The following PDE6G variants were observed in gnomAD, a reference collection of about 807,000 sequenced individuals.
PDE6G encodes rod cGMP 3',5'-cyclic phosphodiesterase subunit gamma.
In PDE6G, 10 loss-of-function variants were observed where a neutral mutation model predicts 10.9. That is an observed-to-expected ratio of 0.91 (90% CI 0.56 to 1.55). The LOEUF is 1.55. PDE6G is among the 40% of genes most tolerant of loss of function. The pLI is 0.00. For missense variants in PDE6G, 102 were observed against 110.1 expected (o/e 0.93, Z 0.33); for synonymous variants, 41 against 42.8 (o/e 0.96, Z 0.16).
upstream of PDE6G, among the ~76,000 whole-genome samples, chr17:81,657,258 A>G (rs1289707246): frequency 1.3e-5 from 2 of 152,206 alleles, no homozygotes; most frequent in Non-Finnish European, 2.9e-5. Context: ...GCTGGCACAC[A>G]GACCTCACAT....
At chr17:81,657,224 C>G (rs1192963936), upstream of PDE6G, among the ~76,000 whole-genome samples, 2 of 152,200 alleles carry the variant, frequency 1.3e-5, no homozygotes, top group Non-Finnish European at 2.9e-5. Context: ...TTTCCAGAAA[C>G]AGGGACTCCC....
Position 81,653,022 on chromosome 17 carries a change from G to A in PDE6G, c.146+138C>T, listed in dbSNP as rs1225320715. 1.3e-5 allele frequency: 13 copies of A among 1,030,608 alleles called. No individual in the cohort carries two copies. The highest frequency in any genetic ancestry group is 3.5e-5 in the Admixed American group (2 of 57,710). 63.8% of individuals were successfully genotyped at this position (1,030,608 alleles called of 1,614,324 possible). On this transcript the variant is annotated intron_variant, in intron 2 of 3. Coordinates refer to ENST00000331056, the MANE Select transcript of PDE6G (RefSeq NM_002602.4). The surrounding 1 kb of genome is among the most constrained non-coding windows in gnomAD (Gnocchi z 5.2). ...ATCCCTGCTCAGGCCCTCAGGCACC[G>A]CCCTACCTTCCCCAGCTGTGAGGCT...
Position 81,650,728 on chromosome 17 carries a change from G to C in PDE6G, c.*346C>G. 2.2e-6 allele frequency: 1 copy of C among 464,218 alleles called. No homozygotes were observed. The highest frequency in any genetic ancestry group is 4.3e-6 in the Non-Finnish European group (1 of 232,778). 28.8% of individuals were successfully genotyped at this position (464,218 alleles called of 1,614,324 possible). A position where few individuals can be genotyped will look rare whatever the true frequency, so the allele number is the denominator to read the frequency against. On this transcript the variant is annotated 3_prime_UTR_variant, in exon 4 of 4. Transcript: ENST00000331056. ...CCTGCCCTAGCTTTCCAGCTGGGAGGAGGGGACGATCTGGGGTCCAGCAGG... is the reference window on the plus strand; with the variant it reads ...CCTGCCCTAGCTTTCCAGCTGGGAGCAGGGGACGATCTGGGGTCCAGCAGG...
At chr17:81,656,989 G>A (rs955003236), upstream of PDE6G, 4 of 248,068 alleles carry the variant, frequency 1.6e-5, no homozygotes, top group Admixed American at 4.8e-5. Flanking sequence ...ACCCCCCCCC[G>A]CCCTTAGGGG....
chr17:81,659,504 C>T (rs921204639), upstream of PDE6G, among the ~76,000 whole-genome samples: 1 of 151,822 alleles, frequency 6.6e-6, no homozygotes, highest in African/African-American at 2.4e-5. Context: ...GAGGCTGCGG[C>T]AGGAGAATCA....
intron 1 of PDE6G, among the ~76,000 whole-genome samples, chr17:81,662,720 C>T (rs761351747): frequency 9.9e-5 from 15 of 152,166 alleles, no homozygotes; most frequent in Non-Finnish European, 1.9e-4. Context: ...AGCAGTTGGC[C>T]GGGCACAGTG....
Position 81,650,873 on chromosome 17 carries a change from C to T in PDE6G, c.*201G>A, listed in dbSNP as rs2036340059. The T allele has an allele frequency of 1.5e-6, 1 of 656,152 alleles. No homozygotes were observed. Among genetic ancestry groups the T allele is most frequent in the Non-Finnish European group, 2.8e-6 (1 of 355,930 alleles). The allele number at this position is 656,152 out of a possible 1,614,324, so 40.6% of individuals were successfully genotyped here. A position where few individuals can be genotyped will look rare whatever the true frequency, so the allele number is the denominator to read the frequency against. ...GATGTTGAGCAGGGCCTGGCCAGCCCCTGAGGGGGCATCCTAGAGGGAGGT... is the reference window on the plus strand; with the variant it reads ...GATGTTGAGCAGGGCCTGGCCAGCCTCTGAGGGGGCATCCTAGAGGGAGGT... On this transcript the variant is annotated 3_prime_UTR_variant, in exon 4 of 4. Transcript: ENST00000331056.
chr17:81,662,547 C>T (rs369944517), intron 1 of PDE6G, among the ~76,000 whole-genome samples: 5 of 151,936 alleles, frequency 3.3e-5, no homozygotes, highest in Admixed American at 6.6e-5. Context: ...CGCTTGAACC[C>T]GCGAGGTGGA....
chr17:81,651,543 G>T lies in PDE6G; in HGVS notation c.187+102C>A. On this transcript the variant is annotated intron_variant, in intron 3 of 3. Transcript: ENST00000331056. The surrounding 1 kb of genome is among the most constrained non-coding windows in gnomAD (Gnocchi z 4.8). ...GCTGGGGGTCCCTAAGTGAAAAGCAGGGGAGGTGGGGGCCGAGGTGGGCTG... is the reference window on the plus strand; with the variant it reads ...GCTGGGGGTCCCTAAGTGAAAAGCATGGGAGGTGGGGGCCGAGGTGGGCTG... 1 of 1,025,816 alleles carries T rather than the reference G, an allele frequency of 9.7e-7. No homozygotes were observed. The highest frequency in any genetic ancestry group is 2.4e-5 in the East Asian group (1 of 41,282). 63.5% of individuals were successfully genotyped at this position (1,025,816 alleles called of 1,614,324 possible).
chr17:81,652,891 C>A (rs1409892663), intron 2 of PDE6G, among the ~76,000 whole-genome samples: 2 of 70,638 alleles, frequency 2.8e-5, no homozygotes, highest in East Asian at 0.059. Context: ...CCTCCCAAAG[C>A]GCTGAGCCAC....
At chr17:81,654,189 G>C (rs1393524017) in intron 1 of PDE6G, among the ~76,000 whole-genome samples, 2 of 152,112 alleles carry the variant, frequency 1.3e-5, no homozygotes, top group Non-Finnish European at 2.9e-5. Flanking sequence ...AGAGGAGCCT[G>C]CCTCTGAGCT....
intron 1 of PDE6G, among the ~76,000 whole-genome samples, chr17:81,655,819 C>T (rs538781803): frequency 7.2e-5 from 11 of 151,936 alleles, no homozygotes; most frequent in Admixed American, 3.3e-4. Flanking sequence ...AGCTGTTTGC[C>T]GAGCTTCAGG....
chr17:81,652,577 G>A lies in PDE6G; in HGVS notation c.146+583C>T, dbSNP rs547773405. Among the ~76,000 whole-genome samples, 391 of 151,010 alleles carry A rather than the reference G, an allele frequency of 2.6e-3. 1 individual carries two copies. Among genetic ancestry groups the A allele is most frequent in the Non-Finnish European group, 4.3e-3 (291 of 67,768 alleles). On this transcript the variant is annotated intron_variant, in intron 2 of 3. Transcript: ENST00000331056. ...CAGGCATGAGCCACCGCCCCCGGCC[G>A]TTTTGTTTTTTTGAGACGGAGTTTT... is the stretch of plus-strand genomic sequence containing the variant.
At chr17:81,659,413 A>G (rs2036488913), upstream of PDE6G, among the ~76,000 whole-genome samples, 1 of 151,902 alleles carries the variant, frequency 6.6e-6, no homozygotes, top group South Asian at 2.1e-4. Context: ...GGCCTGGGCA[A>G]TATAGTGAAA....
chr17:81,661,336 T>C (rs2144414757), upstream of PDE6G, among the ~76,000 whole-genome samples: 1 of 152,338 alleles, frequency 6.6e-6, no homozygotes, highest in South Asian at 2.1e-4. Flanking sequence ...CAGTGAGCTA[T>C]GCCTGATGGT....
In PDE6G at chr17:81,653,460, C is replaced by T. The variant is rs2036400289; in HGVS notation, c.-59-96G>A. On this transcript the variant is annotated intron_variant, in intron 1 of 3. Coordinates refer to ENST00000331056, the MANE Select transcript of PDE6G (RefSeq NM_002602.4). This position sits in a 1 kb window ranked among gnomAD's most constrained non-coding sequence, Gnocchi z 5.2. The stretch of plus-strand genomic sequence containing the variant: ...CGGTGGAGGGGCTGAGACCCAGCCC[C>T]GCCAGCTCCAGCGTCATCCAGACAG... 1.1e-5 allele frequency: 9 copies of T among 792,790 alleles called. No individual in the cohort carries two copies. The Admixed American group carries it at 1.3e-4, about 11-fold the overall frequency. The allele number at this position is 792,790 out of a possible 1,614,324, so 49.1% of individuals were successfully genotyped here.
intron 1 of PDE6G, among the ~76,000 whole-genome samples, chr17:81,661,827 CTCCAGCCTGCGACAG>C (rs888191383): frequency 7.0e-6 from 1 of 143,002 alleles, no homozygotes. Context: ...CGCCACTGCA[CTCCAGCCTGCGACAG>C]AGTGAGACTC....
At chr17:81,654,979 G>A (rs1032708089) in intron 1 of PDE6G, among the ~76,000 whole-genome samples, 7 of 149,214 alleles carry the variant, frequency 4.7e-5, no homozygotes, top group Non-Finnish European at 7.5e-5. Context: ...GGATGGTCTC[G>A]ATCTCCTGAC....
chr17:81,660,792 G>A (rs1001367416), upstream of PDE6G, among the ~76,000 whole-genome samples: 5 of 152,142 alleles, frequency 3.3e-5, no homozygotes, highest in African/African-American at 7.2e-5. Context: ...GTGCCCGGCC[G>A]GACATACGTA....
Sources: gnomAD v4.1 joint callset for allele counts (sites outside exome capture counted in the v4.1 genomes callset) on GRCh38, gnomAD v4.1.1 for gene constraint, Gnocchi (gnomAD v3.1) non-coding constraint, MANE v1.5 for transcripts, NCBI Gene and HGNC (gene_info 2026-07-23, HGNC 2026-07-21) for gene names.